GRM7: variants seen among roughly 807,000 people sequenced by gnomAD.
GRM7 encodes the protein metabotropic glutamate receptor 7.
GRM7 carries 35 observed loss-of-function variants against 84.5 expected under a neutral mutation model. The ratio of observed to expected loss-of-function variants is 0.41; its 90% CI spans 0.32 to 0.55. The LOEUF (loss-of-function observed/expected upper bound fraction) is 0.55. Ranked by LOEUF, GRM7 falls within the 20% of genes least tolerant of loss-of-function variation. The pLI, the probability that GRM7 is intolerant of heterozygous loss-of-function variation, is 0.19. For missense variants in GRM7, 1,003 were observed against 1,194.6 expected (o/e 0.84, Z 2.36); for synonymous variants, 487 against 455.1 (o/e 1.07, Z -0.89).
At position 7,237,109 on chromosome 3, in the gene GRM7, G is replaced by A. The variant is rs371682377; in HGVS notation, c.737-61575G>A. Among the ~76,000 whole-genome samples, 7 of 152,100 alleles carry A rather than the reference G, an allele frequency of 4.6e-5. No individual in the cohort carries two copies. The East Asian group carries it at 1.4e-3, about 29-fold the overall frequency. On this transcript the variant is annotated intron_variant, in intron 2 of 9. Transcript: ENST00000357716. ...GGGGAATTTCTTATCTTCATTCACA[G>A]GTAAAAAAACTGAAACTCAGAAGAG...
chr3:7,523,232 T>C (rs908404263), intron 7 of GRM7, among the ~76,000 whole-genome samples: 1 of 152,178 alleles, frequency 6.6e-6, no homozygotes, highest in African/African-American at 2.4e-5. Flanking sequence ...ATCATTTGTC[T>C]CACATTGTGC....
intron 2 of GRM7, among the ~76,000 whole-genome samples, chr3:7,223,985 T>A (rs1397868713): frequency 1.3e-5 from 2 of 152,250 alleles, no homozygotes; most frequent in Admixed American, 6.5e-5. Context: ...ATCTGTTGAC[T>A]AAGGGATTAT....
At chr3:7,450,570 A>G (rs1697723705) in intron 5 of GRM7, among the ~76,000 whole-genome samples, 1 of 152,154 alleles carries the variant, frequency 6.6e-6, no homozygotes, top group Admixed American at 6.6e-5. Flanking sequence ...AAAGCAAATG[A>G]ATAATCATAA....
At chr3:7,712,448 C>T (rs1207300963) in intron 9 of GRM7, among the ~76,000 whole-genome samples, 1 of 151,936 alleles carries the variant, frequency 6.6e-6, no homozygotes, top group East Asian at 1.9e-4. Context: ...CTCTCTCTTA[C>T]CCTTGCACTT....
At chr3:7,679,174 C>G (rs567598162) in intron 8 of GRM7, among the ~76,000 whole-genome samples, 1 of 152,030 alleles carries the variant, frequency 6.6e-6, no homozygotes, top group Non-Finnish European at 1.5e-5. Context: ...AAAGGAGGAA[C>G]GTTCCATACG....
chr3:7,400,197 C>T (rs1575278727), intron 4 of GRM7, among the ~76,000 whole-genome samples: 2 of 152,134 alleles, frequency 1.3e-5, no homozygotes, highest in African/African-American at 4.8e-5. Flanking sequence ...CTGGCAGAAC[C>T]TCAGTTCATT....
chr3:7,353,014 C>T (rs2125093966), intron 4 of GRM7, among the ~76,000 whole-genome samples: 1 of 152,188 alleles, frequency 6.6e-6, no homozygotes, highest in Non-Finnish European at 1.5e-5. Flanking sequence ...AATTTCCATC[C>T]TATGGCTACA....
intron 4 of GRM7, among the ~76,000 whole-genome samples, chr3:7,408,395 C>A (rs1252993834): frequency 6.6e-6 from 1 of 152,030 alleles, no homozygotes; most frequent in African/African-American, 2.4e-5. Flanking sequence ...GATTTTTGTT[C>A]TTTGTGGAAT....
At chr3:7,316,877 C>G (rs775818525) in intron 4 of GRM7, among the ~76,000 whole-genome samples, 1 of 152,012 alleles carries the variant, frequency 6.6e-6, no homozygotes, top group Non-Finnish European at 1.5e-5. Context: ...TTTTAAGTAA[C>G]ACAGAAAATA....
intron 1 of GRM7, among the ~76,000 whole-genome samples, chr3:7,038,090 C>G (rs1696446866): frequency 1.3e-5 from 2 of 152,052 alleles, no homozygotes; most frequent in South Asian, 4.2e-4. Flanking sequence ...TTTAGAGACC[C>G]CTCTATTGAC....
chr3:7,056,065 T>C (rs985246114), intron 1 of GRM7, among the ~76,000 whole-genome samples: 3 of 151,954 alleles, frequency 2.0e-5, no homozygotes, highest in Non-Finnish European at 2.9e-5. Context: ...TGCAAATATA[T>C]TCAATAACAC....
At position 7,410,336 on chromosome 3, in the gene GRM7, C is replaced by T. The variant is rs139837302; in HGVS notation, c.1034-4687C>T. On this transcript the variant is annotated intron_variant, in intron 4 of 9. Coordinates refer to ENST00000357716, the MANE Select transcript of GRM7 (RefSeq NM_000844.4). Reference sequence around the variant, plus strand: ...CTGTAATCCCAACACTTTGGGAGGCCGAAGCAGGTGGATTGTTTGAACCCA... The same window carrying T: ...CTGTAATCCCAACACTTTGGGAGGCTGAAGCAGGTGGATTGTTTGAACCCA... 3.0e-3 allele frequency among the ~76,000 whole-genome samples: 461 copies of T among 152,056 alleles called. 3 individuals carry two copies. Among genetic ancestry groups the T allele is most frequent in the African/African-American group, 0.011 (437 of 41,476 alleles).
At chr3:6,965,197 A>G (rs1352088054) in intron 1 of GRM7, among the ~76,000 whole-genome samples, 1 of 152,244 alleles carries the variant, frequency 6.6e-6, no homozygotes, top group African/African-American at 2.4e-5. Flanking sequence ...AAACTAATGC[A>G]GCTGAAGCAC....
intron 1 of GRM7, among the ~76,000 whole-genome samples, chr3:7,047,960 G>A (rs777228368): frequency 2.6e-5 from 4 of 151,868 alleles, no homozygotes; most frequent in East Asian, 3.9e-4. Context: ...CTGCACTTTC[G>A]TAATGTTAGG....
At chr3:7,279,182 T>G (rs1183819321) in intron 2 of GRM7, among the ~76,000 whole-genome samples, 2 of 152,156 alleles carry the variant, frequency 1.3e-5, no homozygotes, top group African/African-American at 4.8e-5. Context: ...AGTAGAGGTA[T>G]CAAAATCTTA....
At chr3:7,503,564 A>G (rs1006837174) in intron 7 of GRM7, among the ~76,000 whole-genome samples, 1 of 152,154 alleles carries the variant, frequency 6.6e-6, no homozygotes, top group African/African-American at 2.4e-5. Context: ...TGCTGAAAAC[A>G]GTATCTTCTA....
chr3:7,103,459 C>G (rs1039583743), intron 1 of GRM7, among the ~76,000 whole-genome samples: 1 of 151,796 alleles, frequency 6.6e-6, no homozygotes, highest in East Asian at 1.9e-4. Context: ...GAGTTCCCCC[C>G]ACACAAATTT....
chr3:6,956,501 G>A, intron 1 of GRM7: 1 of 451,080 alleles, frequency 2.2e-6, no homozygotes, highest in South Asian at 1.6e-5. Context: ...TCTTATTATT[G>A]TATGAGAAGA....
rs1427189184 is a variant in GRM7 at position 7,066,026 on chromosome 3, G to A, written c.520-80426G>A. Among the ~76,000 whole-genome samples the A allele has an allele frequency of 3.3e-5, 5 of 151,808 alleles. No homozygotes were observed. In the East Asian group the frequency reaches 9.7e-4, roughly 30 times the overall value. On this transcript the variant is annotated intron_variant, in intron 1 of 9. Transcript: ENST00000357716. Reference sequence around the variant, plus strand: ...TCAAAACCTCTGGGATACAGCAAAGGCGGTGCCAAGAGGAAAGTTCATAGC... The same window carrying A: ...TCAAAACCTCTGGGATACAGCAAAGACGGTGCCAAGAGGAAAGTTCATAGC...
Sources: gnomAD v4.1 joint callset for allele counts (sites outside exome capture counted in the v4.1 genomes callset) on GRCh38, gnomAD v4.1.1 for gene constraint, MANE v1.5 for transcripts, NCBI Gene and HGNC (gene_info 2026-07-23, HGNC 2026-07-21) for gene names.